The following WWOX variants were observed in gnomAD, a reference collection of about 807,000 sequenced individuals.
WWOX encodes the protein WW domain containing oxidoreductase.
Under a neutral mutation model 46.2 loss-of-function variants are expected in WWOX, and 69 were observed. The ratio of observed to expected loss-of-function variants is 1.49; its 90% CI spans 1.23 to 1.82. The LOEUF (loss-of-function observed/expected upper bound fraction) is 1.82, where lower values mean the gene tolerates loss of function less well. WWOX is among the 40% of genes most tolerant of loss of function. The probability of loss-of-function intolerance (pLI) is 0.00; values close to 1 mark genes in which losing one functional copy is unlikely to be tolerated. For synonymous variants in WWOX, 359 were observed against 202.6 expected, an observed-to-expected ratio of 1.77 and a Z score of -6.56; for missense variants, 919 against 542.6, an observed-to-expected ratio of 1.69 and a Z score of -6.89.
intron 8 of WWOX, among the ~76,000 whole-genome samples, chr16:78,487,903 G>A (rs1009739514): frequency 1.3e-5 from 2 of 152,108 alleles, no homozygotes; most frequent in Non-Finnish European, 2.9e-5. Flanking sequence ...ATTAATGTCC[G>A]CCTAGGCAAG....
intron 8 of WWOX, among the ~76,000 whole-genome samples, chr16:78,461,882 C>T (rs532480796): frequency 1.3e-4 from 20 of 152,280 alleles, no homozygotes; most frequent in African/African-American, 4.6e-4. Context: ...CTGGCAGTTT[C>T]CCCAGCATTT....
intron 8 of WWOX, among the ~76,000 whole-genome samples, chr16:78,998,570 G>C (rs1215100227): frequency 6.6e-6 from 1 of 152,164 alleles, no homozygotes; most frequent in East Asian, 1.9e-4. Context: ...AGCTGTTAGA[G>C]GAGTTAATCG....
chr16:78,851,575 G>A (rs539862126), intron 8 of WWOX, among the ~76,000 whole-genome samples: 1 of 152,282 alleles, frequency 6.6e-6, no homozygotes, highest in East Asian at 1.9e-4. Flanking sequence ...TTTCCCACTA[G>A]ACGGTGAGGG....
chr16:78,757,210 T>A (rs1181724367), intron 8 of WWOX, among the ~76,000 whole-genome samples: 1 of 152,190 alleles, frequency 6.6e-6, no homozygotes, highest in Non-Finnish European at 1.5e-5. Flanking sequence ...TCAGCCCACT[T>A]AGTTTTGGGA....
At chr16:78,308,904 C>T (rs1043829047) in intron 5 of WWOX, among the ~76,000 whole-genome samples, 9 of 152,118 alleles carry the variant, frequency 5.9e-5, no homozygotes, top group African/African-American at 1.9e-4. Flanking sequence ...CGCATCGCCA[C>T]CCAAAATCAG....
chr16:78,210,381 T>C (rs947298883), intron 5 of WWOX, among the ~76,000 whole-genome samples: 8 of 152,186 alleles, frequency 5.3e-5, no homozygotes, highest in African/African-American at 1.7e-4. Context: ...CTTTGGAGAA[T>C]GCAAACAGGC....
chr16:78,460,688 TA>T (rs1316823858), intron 8 of WWOX, among the ~76,000 whole-genome samples: 1 of 152,216 alleles, frequency 6.6e-6, no homozygotes, highest in Non-Finnish European at 1.5e-5. Flanking sequence ...TTTGAAGAAC[TA>T]AAGAGTAGAC....
At chr16:78,908,573 C>G (rs971078834) in intron 8 of WWOX, among the ~76,000 whole-genome samples, 7 of 151,090 alleles carry the variant, frequency 4.6e-5, no homozygotes, top group African/African-American at 1.5e-4. Context: ...TCATGCAGAG[C>G]TGGCTGTGTG....
intron 5 of WWOX, among the ~76,000 whole-genome samples, chr16:78,302,978 C>A (rs563508586): frequency 7.9e-5 from 12 of 152,276 alleles, no homozygotes; most frequent in African/African-American, 2.6e-4. Flanking sequence ...AGACCCAGAG[C>A]CTTTCTCAGA....
chr16:78,835,329 A>G (rs1311645674), intron 8 of WWOX, among the ~76,000 whole-genome samples: 1 of 152,208 alleles, frequency 6.6e-6, no homozygotes, highest in Non-Finnish European at 1.5e-5. Flanking sequence ...GTTGTGCAAA[A>G]TATTCTAGTA....
chr16:78,490,549 T>A (rs972935338), intron 8 of WWOX, among the ~76,000 whole-genome samples: 3 of 152,192 alleles, frequency 2.0e-5, no homozygotes, highest in Non-Finnish European at 4.4e-5. Flanking sequence ...TTCAGACTTC[T>A]GGCTTGTTGT....
intron 8 of WWOX, among the ~76,000 whole-genome samples, chr16:78,484,084 T>G (rs1309466085): frequency 2.0e-5 from 3 of 152,206 alleles, no homozygotes; most frequent in Non-Finnish European, 4.4e-5. Context: ...CTTTATCAAT[T>G]TTGAAGGAAT....
chr16:78,928,719 A>C (rs1320329002), intron 8 of WWOX, among the ~76,000 whole-genome samples: 1 of 152,152 alleles, frequency 6.6e-6, no homozygotes, highest in South Asian at 2.1e-4. Context: ...GCTCTCTTTC[A>C]TCAACACTTT....
chr16:78,283,336 T>C (rs768532716), intron 5 of WWOX, among the ~76,000 whole-genome samples: 1 of 152,180 alleles, frequency 6.6e-6, no homozygotes, highest in African/African-American at 2.4e-5. Context: ...CACCTCCAAG[T>C]GCAGGTGTAC....
intron 6 of WWOX, among the ~76,000 whole-genome samples, chr16:78,398,359 G>A (rs575720169): frequency 2.6e-5 from 4 of 152,242 alleles, no homozygotes; most frequent in African/African-American, 9.6e-5. Context: ...GCCTTTGCTT[G>A]TGTGGCTCCT....
chr16:78,338,584 C>T (rs2080945377), intron 5 of WWOX, among the ~76,000 whole-genome samples: 1 of 120,730 alleles, frequency 8.3e-6, no homozygotes, highest in East Asian at 1.9e-4. Context: ...TTTTTCAATG[C>T]CTATTTTCTC....
intron 8 of WWOX, among the ~76,000 whole-genome samples, chr16:78,975,638 C>T (rs568105141): frequency 1.4e-4 from 22 of 152,152 alleles, no homozygotes; most frequent in African/African-American, 3.4e-4. Context: ...CCCCAACTGT[C>T]GTCCCTCAAA....
intron 8 of WWOX, among the ~76,000 whole-genome samples, chr16:78,642,245 A>C (rs2046737234): frequency 6.6e-6 from 1 of 152,206 alleles, no homozygotes; most frequent in Admixed American, 6.5e-5. Context: ...GTGTTGACTT[A>C]CTGCAAGGTT....
rs145150841 is a variant in WWOX at position 78,960,083 on chromosome 16, G to C, written c.1057-251525G>C. ...GGACAGACTAAATGGCTACAGGTCA[G>C]GGTCATTGTCAAAGAGTGAGGGATA... On this transcript the variant is annotated intron_variant, in intron 8 of 8. Transcript: ENST00000566780. Among the ~76,000 whole-genome samples, 17 of 152,286 alleles carry C rather than the reference G, an allele frequency of 1.1e-4. No individual in the cohort carries two copies. In the East Asian group the frequency reaches 3.3e-3, roughly 29 times the overall value.
Sources: allele counts gnomAD v4.1 joint callset (sites outside exome capture counted in the v4.1 genomes callset), GRCh38; gene constraint gnomAD v4.1.1; transcripts MANE v1.5; gene names NCBI Gene and HGNC (gene_info 2026-07-23, HGNC 2026-07-21).